Variants in PTPN3 observed in about 807,000 individuals in gnomAD.
PTPN3 encodes the protein protein tyrosine phosphatase non-receptor type 3.
Under a neutral mutation model 132.7 loss-of-function variants are expected in PTPN3, and 96 were observed. That is an observed-to-expected ratio of 0.72 (90% CI 0.61 to 0.86). The LOEUF (loss-of-function observed/expected upper bound fraction) is 0.86. PTPN3 is among the 40% of genes least tolerant of loss of function. PTPN3 has a pLI of 0.00. For synonymous variants in PTPN3, 398 were observed against 429.0 expected, an observed-to-expected ratio of 0.93 and a Z score of 0.89; for missense variants, 1,125 against 1,159.6, an observed-to-expected ratio of 0.97 and a Z score of 0.43.
chr9:109,383,248 A>G, intron 23 of PTPN3, 175 bp downstream of exon 23: 1 of 1,114,212 alleles, frequency 9.0e-7, no homozygotes, highest in Non-Finnish European at 1.3e-6. Flanking sequence ...GCCTGTTGTG[A>G]CTAGGGCCAC....
At chr9:109,511,012 C>A in the PTPN3 span, among the ~76,000 whole-genome samples, 1 of 151,994 alleles carries the variant, frequency 6.6e-6, no homozygotes, top group Non-Finnish European at 1.5e-5. Flanking sequence ...TAATCAATAT[C>A]AAACACAAAA....
chr9:109,483,030 C>T (rs1327798505), intron 1 of PTPN3, among the ~76,000 whole-genome samples: 1 of 152,190 alleles, frequency 6.6e-6, no homozygotes, highest in Admixed American at 6.5e-5. Context: ...AAGTCTTGAT[C>T]CCCAGTCTGC....
the PTPN3 span, among the ~76,000 whole-genome samples, chr9:109,521,535 ACTTCAC>A: frequency 6.6e-6 from 1 of 152,104 alleles, no homozygotes; most frequent in Non-Finnish European, 1.5e-5. Context: ...CCTTTGCCCA[ACTTCAC>A]CTGCATCACA....
chr9:109,463,354 T>C lies in PTPN3; in HGVS notation c.81A>G (p.Ser27=), dbSNP rs779563196. Residue 27 remains serine (S), a synonymous_variant, in exon 2 of 26, where the codon TCA becomes TCG. Transcript: ENST00000374541. ...TSELPKEKTR[S]EVICSIHFLD... ...AAAAGTGGATGCTGCAAATGACTTCTGATCGAGTTTTCTCTTTGGGTAACT... is the reference window on the plus strand; with the variant it reads ...AAAAGTGGATGCTGCAAATGACTTCCGATCGAGTTTTCTCTTTGGGTAACT... 1.4e-4 allele frequency: 223 copies of C among 1,613,868 alleles called. No individual in the cohort carries two copies. The East Asian group carries it at 4.9e-3, about 36-fold the overall frequency.
At chr9:109,460,345 C>G (rs1206619760) in intron 2 of PTPN3, among the ~76,000 whole-genome samples, 1 of 152,182 alleles carries the variant, frequency 6.6e-6, no homozygotes, top group Non-Finnish European at 1.5e-5. Flanking sequence ...TGGTCATCAT[C>G]TCCGCCCTGG....
At chr9:109,423,535 G>A (rs1459231388) in intron 12 of PTPN3, among the ~76,000 whole-genome samples, 1 of 152,172 alleles carries the variant, frequency 6.6e-6, no homozygotes, top group Non-Finnish European at 1.5e-5. Context: ...GAATCCCCGA[G>A]ACAGAGGTTG....
Position 109,459,587 on chromosome 9 carries a change from C to T in PTPN3, c.139-2188G>A, listed in dbSNP as rs536006743. Among the ~76,000 whole-genome samples, 5 of 152,216 alleles carry T rather than the reference C, an allele frequency of 3.3e-5. No homozygotes were observed. In the South Asian group the frequency reaches 8.3e-4, roughly 25 times the overall value. On this transcript the variant is annotated intron_variant, in intron 2 of 25. Transcript: ENST00000374541. The stretch of plus-strand genomic sequence containing the variant: ...TTTTTTTAGAGACAGGGTCTTGCTC[C>T]ACTGCCCCTGCTGGAGTGCAGTGGT...
chr9:109,444,604 A>G (rs1844724680), intron 7 of PTPN3, among the ~76,000 whole-genome samples: 1 of 152,238 alleles, frequency 6.6e-6, no homozygotes, highest in South Asian at 2.1e-4. Flanking sequence ...TTTTCAATAT[A>G]TTGCATTAAA....
the PTPN3 span, among the ~76,000 whole-genome samples, chr9:109,531,750 C>G: frequency 6.6e-6 from 1 of 152,072 alleles, no homozygotes; most frequent in African/African-American, 2.4e-5. Context: ...TGAGCATCTC[C>G]CCAGGCTAGG....
chr9:109,510,572 A>T, the PTPN3 span, among the ~76,000 whole-genome samples: 18,058 of 48,584 alleles, frequency 0.37, 2,134 homozygotes, highest in East Asian at 0.59. Flanking sequence ...AAAAAAAAAA[A>T]AAAAATATAT....
intron 1 of PTPN3, among the ~76,000 whole-genome samples, chr9:109,474,698 T>C (rs1268491222): frequency 6.6e-6 from 1 of 152,154 alleles, no homozygotes; most frequent in East Asian, 1.9e-4. Flanking sequence ...ATAACTGAAA[T>C]CTTAGCGAAA....
intron 19 of PTPN3, among the ~76,000 whole-genome samples, chr9:109,399,117 C>T (rs1840841362): frequency 6.6e-6 from 1 of 152,154 alleles, no homozygotes; most frequent in Non-Finnish European, 1.5e-5. Flanking sequence ...AGAGTGAGGG[C>T]TGGGTACACT....
At chr9:109,490,603 G>A (rs1255428957) in intron 1 of PTPN3, among the ~76,000 whole-genome samples, 1 of 152,130 alleles carries the variant, frequency 6.6e-6, no homozygotes, top group Admixed American at 6.5e-5. Flanking sequence ...GCCGGGCGTG[G>A]TGGCACATGC....
chr9:109,497,485 G>C (rs1263543925), intron 1 of PTPN3, among the ~76,000 whole-genome samples: 1 of 152,148 alleles, frequency 6.6e-6, no homozygotes, highest in Non-Finnish European at 1.5e-5. Context: ...CAGTTTCCAA[G>C]TCACAAGCTC....
intron 8 of PTPN3, 92 bp downstream of exon 8, chr9:109,438,022 A>G: frequency 7.1e-7 from 1 of 1,404,736 alleles, no homozygotes; most frequent in Non-Finnish European, 9.5e-7. Context: ...ATTCATGCAC[A>G]AAAGAAAGAG....
At chr9:109,458,906 A>G (rs1193452472) in intron 2 of PTPN3, among the ~76,000 whole-genome samples, 1 of 152,202 alleles carries the variant, frequency 6.6e-6, no homozygotes, top group African/African-American at 2.4e-5. Context: ...CATTATGCCA[A>G]TGTGCTTTTT....
chr9:109,525,123 C>G, the PTPN3 span, among the ~76,000 whole-genome samples: 4 of 152,068 alleles, frequency 2.6e-5, no homozygotes, highest in Non-Finnish European at 4.4e-5. Context: ...ATGATCATGG[C>G]TCACTGCAAC....
the PTPN3 span, among the ~76,000 whole-genome samples, chr9:109,536,580 G>T: frequency 6.6e-6 from 1 of 152,168 alleles, no homozygotes; most frequent in African/African-American, 2.4e-5. Context: ...GTGGCACAGG[G>T]CTGCAAAAAG....
At chr9:109,500,931 TA>T (rs1193698517), upstream of PTPN3, among the ~76,000 whole-genome samples, 4,617 of 115,552 alleles carry the variant, frequency 0.04, 82 homozygotes, top group African/African-American at 0.063. Context: ...CTGTCTCAAA[TA>T]AAAAAAAAAA....
Sources: allele counts gnomAD v4.1 joint callset (sites outside exome capture counted in the v4.1 genomes callset), GRCh38; gene constraint gnomAD v4.1.1; transcripts MANE v1.5; gene names NCBI Gene and HGNC (gene_info 2026-07-23, HGNC 2026-07-21).